Variants in HOMER1 observed in about 807,000 individuals in gnomAD.
The protein encoded by HOMER1 is homer scaffold protein 1, also known as homer protein homolog 1.
In HOMER1, 3 loss-of-function variants were observed where a neutral mutation model predicts 48.9. The ratio of observed to expected loss-of-function variants is 0.06; its 90% confidence interval spans 0.03 to 0.16. The LOEUF is 0.16. HOMER1 is among the 10% of genes least tolerant of loss of function. The pLI is 1.00. For missense variants in HOMER1, 247 were observed against 411.4 expected (o/e 0.60, Z 3.46); for synonymous variants, 134 against 146.4 (o/e 0.92, Z 0.61).
intron 4 of HOMER1, among the ~76,000 whole-genome samples, chr5:79,442,647 G>A (rs764798670): frequency 2.0e-5 from 3 of 152,118 alleles, no homozygotes; most frequent in Non-Finnish European, 4.4e-5. Context: ...GGAAAACAAG[G>A]CCCTCTCTTT....
chr5:79,406,862 A>G (rs1264496797), intron 5 of HOMER1, among the ~76,000 whole-genome samples: 1 of 152,190 alleles, frequency 6.6e-6, no homozygotes, highest in African/African-American at 2.4e-5. Flanking sequence ...GGAGAGGGGC[A>G]GGATCACTGA....
At chr5:79,489,960 C>T (rs1752223247) in intron 1 of HOMER1, among the ~76,000 whole-genome samples, 2 of 152,194 alleles carry the variant, frequency 1.3e-5, no homozygotes, top group African/African-American at 4.8e-5. Flanking sequence ...TGACTTGTAA[C>T]CTCTAGCAGA....
chr5:79,449,397 A>T (rs1463461721), intron 3 of HOMER1, among the ~76,000 whole-genome samples: 2 of 152,180 alleles, frequency 1.3e-5, no homozygotes, highest in East Asian at 3.8e-4. Context: ...TGAATGTAAA[A>T]CTCTTATTTT....
chr5:79,512,681 T>A (rs925428430), intron 1 of HOMER1, 89 bp downstream of exon 1: 10 of 1,305,408 alleles, frequency 7.7e-6, no homozygotes, highest in African/African-American at 1.5e-5. Context: ...GCAAGTTTGT[T>A]TGAAAACACA....
At chr5:79,446,454 A>T (rs1750885540) in intron 4 of HOMER1, among the ~76,000 whole-genome samples, 1 of 152,090 alleles carries the variant, frequency 6.6e-6, no homozygotes, top group Non-Finnish European at 1.5e-5. Flanking sequence ...AACTTTTCCT[A>T]TGACTCCCCT....
chr5:79,466,034 A>G (rs1306986548), intron 1 of HOMER1, among the ~76,000 whole-genome samples: 1 of 152,142 alleles, frequency 6.6e-6, no homozygotes, highest in Non-Finnish European at 1.5e-5. Flanking sequence ...AATTCAGAGT[A>G]AAAAGCAAGC....
intron 1 of HOMER1, among the ~76,000 whole-genome samples, chr5:79,471,350 G>T: frequency 6.6e-6 from 1 of 151,796 alleles, no homozygotes; most frequent in Non-Finnish European, 1.5e-5. Context: ...GTTCAAGACA[G>T]CCTGACCAAC....
At chr5:79,503,404 C>T (rs980702439) in intron 1 of HOMER1, among the ~76,000 whole-genome samples, 1 of 151,464 alleles carries the variant, frequency 6.6e-6, no homozygotes, top group African/African-American at 2.4e-5. Flanking sequence ...GCAGCATGCG[C>T]CTGTAATCCC....
chr5:79,384,386 A>G (rs1264052621), intron 8 of HOMER1, among the ~76,000 whole-genome samples: 1 of 152,120 alleles, frequency 6.6e-6, no homozygotes, highest in Admixed American at 6.5e-5. Flanking sequence ...ATACATGAAC[A>G]AACTGGAAAA....
intron 5 of HOMER1, among the ~76,000 whole-genome samples, chr5:79,404,901 G>T (rs1342737515): frequency 6.6e-6 from 1 of 150,936 alleles, no homozygotes. Flanking sequence ...TAGAGATAGG[G>T]TTTCACCATG....
intron 8 of HOMER1, among the ~76,000 whole-genome samples, chr5:79,379,078 C>CTATATATATATATATATA (rs1748856110): frequency 1.5e-4 from 1 of 6,596 alleles, no homozygotes; most frequent in African/African-American, 8.0e-4. Context: ...TACCTTTTGT[C>CTATATATATATATATATA]CATATATATA....
At chr5:79,390,064 T>C (rs1580418115) in intron 8 of HOMER1, among the ~76,000 whole-genome samples, 1 of 152,114 alleles carries the variant, frequency 6.6e-6, no homozygotes, top group Non-Finnish European at 1.5e-5. Context: ...GGTGGGAGGA[T>C]TGCTTGGGCC....
Position 79,401,923 on chromosome 5 carries a change from C to T in HOMER1, c.660G>A (p.Glu220=). ...CCCGCTTGTGCAGACGTTCTGCTTC[C>T]TCTTGATAGGCAGCAAGTTGCTGTT... is the stretch of plus-strand genomic sequence containing the variant. ...QWKQQLAAYQ[E]EAERLHKRVT... Residue 220 remains glutamate (E), a synonymous_variant, in exon 6 of 9, where the codon GAG becomes GAA. Transcript: ENST00000334082. The T allele has an allele frequency of 6.2e-7, 1 of 1,613,902 alleles. No homozygotes were observed. The highest frequency in any genetic ancestry group is 2.2e-5 in the East Asian group (1 of 44,852).
intron 3 of HOMER1, among the ~76,000 whole-genome samples, chr5:79,448,293 T>C (rs1750939777): frequency 6.6e-6 from 1 of 152,196 alleles, no homozygotes; most frequent in Non-Finnish European, 1.5e-5. Context: ...AAAACTTCTC[T>C]TTATGTAATC....
At chr5:79,490,165 T>C (rs1752228775) in intron 1 of HOMER1, among the ~76,000 whole-genome samples, 1 of 152,230 alleles carries the variant, frequency 6.6e-6, no homozygotes, top group African/African-American at 2.4e-5. Flanking sequence ...AATTACTCAG[T>C]AGACATTTGT....
At chr5:79,410,786 C>T (rs964270732) in intron 5 of HOMER1, among the ~76,000 whole-genome samples, 4 of 152,050 alleles carry the variant, frequency 2.6e-5, no homozygotes, top group Non-Finnish European at 5.9e-5. Context: ...CAATTAATAC[C>T]TTAGGATTAA....
intron 8 of HOMER1, among the ~76,000 whole-genome samples, chr5:79,381,701 A>G (rs1188872029): frequency 2.0e-5 from 3 of 152,200 alleles, no homozygotes; most frequent in African/African-American, 7.2e-5. Flanking sequence ...CCTGGTCAAC[A>G]TGGTGAAACC....
At position 79,491,334 on chromosome 5, in the gene HOMER1, G is replaced by A. The variant is rs140300607; in HGVS notation, c.5+21436C>T. On this transcript the variant is annotated intron_variant, in intron 1 of 8. Coordinates refer to ENST00000334082, the MANE Select transcript of HOMER1 (RefSeq NM_004272.5). Reference sequence around the variant, plus strand: ...GCTACTTGGTGGTGAGGCAAGAGGCGAGGTAGGAGGCAGAAGATCACTAAA... The same window carrying A: ...GCTACTTGGTGGTGAGGCAAGAGGCAAGGTAGGAGGCAGAAGATCACTAAA... 7.4e-4 allele frequency among the ~76,000 whole-genome samples: 111 copies of A among 149,666 alleles called. 2 individuals carry two copies. The East Asian group carries it at 0.02, about 28-fold the overall frequency.
chr5:79,387,196 T>G (rs778756936), intron 8 of HOMER1, among the ~76,000 whole-genome samples: 1 of 151,866 alleles, frequency 6.6e-6, no homozygotes, highest in African/African-American at 2.4e-5. Context: ...GGTGCAATCA[T>G]GGCTCCCTGC....
Sources: gnomAD v4.1 joint callset for allele counts (sites outside exome capture counted in the v4.1 genomes callset) on GRCh38, gnomAD v4.1.1 for gene constraint, MANE v1.5 for transcripts, NCBI Gene and HGNC (gene_info 2026-07-23, HGNC 2026-07-21) for gene names.